SYNJ2: variants seen among roughly 807,000 people sequenced by gnomAD.
SYNJ2 encodes the protein polyphosphatidylinositol phosphatase SYNJ2.
Under a neutral mutation model 141.3 loss-of-function variants are expected in SYNJ2, and 116 were observed. The ratio of observed to expected loss-of-function variants is 0.82; its 90% confidence interval spans 0.71 to 0.96. The LOEUF (loss-of-function observed/expected upper bound fraction) is 0.96. Ranked by LOEUF, SYNJ2 falls within the 40% of genes least tolerant of loss-of-function variation. The pLI is 0.00. For synonymous variants in SYNJ2, 745 were observed against 777.7 expected (o/e 0.96, Z 0.70); for missense variants, 1,873 against 1,934.8 (o/e 0.97, Z 0.60).
chr6:158,046,957 T>C (rs2181190), intron 5 of SYNJ2, among the ~76,000 whole-genome samples: 21,093 of 152,036 alleles, frequency 0.14, 1,768 homozygotes, highest in South Asian at 0.24. Context: ...TTTTGAAGTT[T>C]CCTGCAACTG....
At chr6:158,005,956 AT>A (rs1375674005) in intron 1 of SYNJ2, among the ~76,000 whole-genome samples, 1 of 152,058 alleles carries the variant, frequency 6.6e-6, no homozygotes, top group Non-Finnish European at 1.5e-5. Flanking sequence ...GCAGATGCCC[AT>A]GGCCTGCTCC....
Position 158,059,167 on chromosome 6 carries a change from C to A in SYNJ2, c.858-90C>A, listed in dbSNP as rs769370919. ...ACTGTGGCACTAAGAAAGCATGACT[C>A]CTGCCCCGTCTTCCCTTGAGGGGCA... On this transcript the variant is annotated intron_variant, in intron 6 of 26. Coordinates refer to ENST00000355585, the MANE Select transcript of SYNJ2 (RefSeq NM_003898.4). 10 of 1,322,196 alleles carry A rather than the reference C, an allele frequency of 7.6e-6. No individual in the cohort carries two copies. In the African/African-American group the frequency reaches 9.0e-5, roughly 12 times the overall value. 81.9% of individuals were successfully genotyped at this position (1,322,196 alleles called of 1,614,324 possible).
intron 4 of SYNJ2, among the ~76,000 whole-genome samples, chr6:158,038,684 G>A (rs1388709015): frequency 6.6e-6 from 1 of 152,256 alleles, no homozygotes; most frequent in Non-Finnish European, 1.5e-5. Flanking sequence ...TCTGCTCCCA[G>A]GTGGGTGGGC....
chr6:158,094,976 C>G (rs1051643446), intron 26 of SYNJ2, among the ~76,000 whole-genome samples: 1 of 152,078 alleles, frequency 6.6e-6, no homozygotes, highest in Non-Finnish European at 1.5e-5. Context: ...GGTGAAACCC[C>G]GTCTCTACTA....
At position 158,036,870 on chromosome 6, in the gene SYNJ2, A is replaced by G. The variant is rs536183835; in HGVS notation, c.711+3190A>G. 8.5e-4 allele frequency among the ~76,000 whole-genome samples: 130 copies of G among 152,314 alleles called. 1 individual carries two copies. The highest frequency in any genetic ancestry group is 4.1e-3 in the South Asian group (20 of 4,824). On this transcript the variant is annotated intron_variant, in intron 4 of 26. Coordinates refer to ENST00000355585, the MANE Select transcript of SYNJ2 (RefSeq NM_003898.4). ...TTTCTCTTTTCTGGCTGATGTCTGC[A>G]TGGGGAGAGTCCCTTCCCTGCCCCA...
At chr6:158,017,362 C>A in intron 2 of SYNJ2, 72 bp downstream of exon 2, 1 of 1,496,882 alleles carries the variant, frequency 6.7e-7, no homozygotes, top group East Asian at 2.4e-5. Context: ...TCGGAAGGGG[C>A]CTCAGTGCAG....
At chr6:158,062,549 G>A (rs1318784426) in intron 8 of SYNJ2, among the ~76,000 whole-genome samples, 3 of 152,120 alleles carry the variant, frequency 2.0e-5, no homozygotes, top group Non-Finnish European at 4.4e-5. Flanking sequence ...GGCCACAGTC[G>A]CGGTGGGATG....
intron 17 of SYNJ2, chr6:158,077,959 T>G: frequency 2.2e-6 from 1 of 459,352 alleles, no homozygotes; most frequent in South Asian, 2.4e-5. Context: ...TCATGACTGT[T>G]TTGAATAATT....
chr6:158,038,901 G>A (rs1394782161), intron 4 of SYNJ2, among the ~76,000 whole-genome samples: 1 of 152,268 alleles, frequency 6.6e-6, no homozygotes, highest in East Asian at 1.9e-4. Context: ...GGGGCATGGA[G>A]CAGAAAGAAA....
At chr6:158,047,774 C>CAAAAAAAAAAAAAAA (rs58147972) in intron 5 of SYNJ2, among the ~76,000 whole-genome samples, 19 of 32,384 alleles carry the variant, frequency 5.9e-4, no homozygotes, top group African/African-American at 6.7e-4. Flanking sequence ...GCGACTCTGT[C>CAAAAAAAAAAAAAAA]AAAAAAAAAA....
chr6:158,042,947 C>G (rs1780028812), intron 4 of SYNJ2, among the ~76,000 whole-genome samples: 2 of 152,216 alleles, frequency 1.3e-5, no homozygotes, highest in South Asian at 4.1e-4. Flanking sequence ...ATAGAGGGCT[C>G]TAAGGAAGGT....
chr6:157,983,313 C>T (rs1405960560), intron 1 of SYNJ2, among the ~76,000 whole-genome samples: 1 of 152,200 alleles, frequency 6.6e-6, no homozygotes, highest in Non-Finnish European at 1.5e-5. Context: ...CAAAAGTAGG[C>T]AGTGAATTGT....
chr6:158,089,472 G>T (rs1016511015), intron 24 of SYNJ2, among the ~76,000 whole-genome samples: 2 of 152,142 alleles, frequency 1.3e-5, no homozygotes, highest in Non-Finnish European at 2.9e-5. Context: ...GGATGAAGAA[G>T]TAGAAAAAGC....
chr6:158,013,958 C>A (rs1778360019), intron 1 of SYNJ2, among the ~76,000 whole-genome samples: 1 of 152,176 alleles, frequency 6.6e-6, no homozygotes, highest in Non-Finnish European at 1.5e-5. Context: ...TGAGTGTTAA[C>A]GAATCAACAC....
rs759564713 is a variant in SYNJ2, at chr6:158,084,074, C to T, written c.3108C>T (p.Leu1036=). ...FNQPGVSDSE[L]GGDDLSDVPG... Reference sequence around the variant, plus strand: ...AGCCTGGAGTCTCGGACAGTGAACTCGGGGGAGACGACCTCTCTGATGTCC... The same window carrying T: ...AGCCTGGAGTCTCGGACAGTGAACTTGGGGGAGACGACCTCTCTGATGTCC... The change falls in exon 22 of 27, where the codon CTC becomes CTT. Residue 1036 remains leucine (L), a synonymous_variant. Transcript: ENST00000355585. This position sits in a 1 kb window ranked among gnomAD's most constrained non-coding sequence, Gnocchi z 5.0. 1.1e-5 allele frequency: 17 copies of T among 1,613,988 alleles called. No homozygotes were observed. Among genetic ancestry groups the T allele is most frequent in the East Asian group, 2.2e-5 (1 of 44,880 alleles).
Position 158,010,928 on chromosome 6 carries a change from A to C in SYNJ2, c.128-6276A>C, listed in dbSNP as rs1166460538. ...ATGGCCTCGTGATGACAGGGGACAC[A>C]TGGGGAGAGGATGGCCTTGGGACGA... On this transcript the variant is annotated intron_variant, in intron 1 of 26. Transcript: ENST00000355585. 2.2e-5 allele frequency among the ~76,000 whole-genome samples: 3 copies of C among 137,028 alleles called. No individual in the cohort carries two copies. The South Asian group carries it at 7.6e-4, about 35-fold the overall frequency. 89.9% of individuals were successfully genotyped at this position (137,028 alleles called of 152,430 possible). A position where few individuals can be genotyped will look rare whatever the true frequency, so the allele number is the denominator to read the frequency against.
rs765493849 is a variant in SYNJ2 at position 158,061,994 on chromosome 6, G to A, written c.957G>A (p.Lys319=). 2 of 1,613,556 alleles carry A rather than the reference G, an allele frequency of 1.2e-6. No individual in the cohort carries two copies. Among genetic ancestry groups the A allele is most frequent in the South Asian group, 1.1e-5 (1 of 91,062 alleles). Residue 319 remains lysine (K), a splice_region_variant and synonymous_variant, in exon 8 of 27, where the codon AAG becomes AAA. Transcript: ENST00000355585. ...CCGCCCTCCCCTCCTCTTTTCAGAA[G>A]CTGCTCTGGGCTTCTTGCCACGCGG... ...GEEVLNRAFK[K]LLWASCHAGD...
rs1047664064 is a variant in SYNJ2, at chr6:158,032,244, A to G, written c.486-1211A>G. Among the ~76,000 whole-genome samples the G allele has an allele frequency of 3.3e-5, 5 of 152,196 alleles. No individual in the cohort carries two copies. In the East Asian group the frequency reaches 5.8e-4, roughly 18 times the overall value. On this transcript the variant is annotated intron_variant, in intron 3 of 26. Transcript: ENST00000355585. The stretch of plus-strand genomic sequence containing the variant: ...CAGTCGGGGAGGCTGGCCTGAGAGC[A>G]GGAAGCTTGGAGAAGCCCCCTGGGA...
At chr6:157,983,009 AGT>A (rs1183764330) in intron 1 of SYNJ2, among the ~76,000 whole-genome samples, 1 of 152,232 alleles carries the variant, frequency 6.6e-6, no homozygotes, top group Admixed American at 6.5e-5. Flanking sequence ...GACACCCGAG[AGT>A]AAGCTCCCAC....
Sources: allele counts gnomAD v4.1 joint callset (sites outside exome capture counted in the v4.1 genomes callset), GRCh38; gene constraint gnomAD v4.1.1; non-coding constraint Gnocchi (gnomAD v3.1); transcripts MANE v1.5; gene names NCBI Gene and HGNC (gene_info 2026-07-23, HGNC 2026-07-21).